PDE10A: variants seen among roughly 807,000 people sequenced by gnomAD.
PDE10A encodes phosphodiesterase 10A.
PDE10A carries 39 observed loss-of-function variants against 97.7 expected under a neutral mutation model. That is an observed-to-expected ratio of 0.40 (90% confidence interval 0.31 to 0.52). The LOEUF is 0.52. PDE10A is among the 20% of genes least tolerant of loss of function. The pLI is 0.56. For missense variants in PDE10A, 731 were observed against 1,047.8 expected, an observed-to-expected ratio of 0.70 and a Z score of 4.17; for synonymous variants, 371 against 376.8, an observed-to-expected ratio of 0.98 and a Z score of 0.18.
chr6:165,672,633 T>A (rs978057370), intron 1 of PDE10A, among the ~76,000 whole-genome samples: 1 of 152,212 alleles, frequency 6.6e-6, no homozygotes, highest in African/African-American at 2.4e-5. Flanking sequence ...ATGGTAGTGC[T>A]AAGGGGAAAC....
chr6:165,972,928 C>T lies in PDE10A; in HGVS notation c.-615+14601G>A, dbSNP rs549668771. On this transcript the variant is annotated intron_variant, in intron 1 of 19. Coordinates refer to the PDE10A transcript ENST00000366882. ...CACAAGTCCCTGTACAACACCAGCT[C>T]ATTCTCCTCTCCCCTCCATTCCCAC... is the stretch of plus-strand genomic sequence containing the variant. Among the ~76,000 whole-genome samples, 20 of 152,242 alleles carry T rather than the reference C, an allele frequency of 1.3e-4. 1 individual carries two copies. The East Asian group carries it at 3.9e-3, about 29-fold the overall frequency.
chr6:165,607,835 A>G (rs1267602674), intron 1 of PDE10A, among the ~76,000 whole-genome samples: 1 of 152,060 alleles, frequency 6.6e-6, no homozygotes, highest in African/African-American at 2.4e-5. Flanking sequence ...TACAATCCAG[A>G]ATCCAGATCT....
chr6:165,768,167 C>G (rs557320193), intron 1 of PDE10A, among the ~76,000 whole-genome samples: 1 of 152,064 alleles, frequency 6.6e-6, no homozygotes, highest in Admixed American at 6.6e-5. Context: ...TGTAAAAGCT[C>G]TTTATATATT....
exon 1 of PDE10A, chr6:165,987,570 T>A (rs945402776): frequency 6.3e-5 from 25 of 394,628 alleles, no homozygotes; most frequent in African/African-American, 5.1e-4. Flanking sequence ...TTCCGCTTCA[T>A]TTCGAGTTCA....
chr6:165,825,120 C>T (rs1463400057), intron 1 of PDE10A, among the ~76,000 whole-genome samples: 1 of 146,864 alleles, frequency 6.8e-6, no homozygotes, highest in Non-Finnish European at 1.5e-5. Flanking sequence ...TGCACTCCAG[C>T]CTGGGCAACA....
chr6:165,492,585 A>G (rs1315090570), intron 2 of PDE10A, among the ~76,000 whole-genome samples: 1 of 152,208 alleles, frequency 6.6e-6, no homozygotes, highest in Non-Finnish European at 1.5e-5. Context: ...ATCAAAAACA[A>G]AAATCACATG....
intron 3 of PDE10A, among the ~76,000 whole-genome samples, 194 bp from the exon 4 acceptor site, chr6:165,450,556 C>CTATT (rs573748805): frequency 1.5e-3 from 221 of 151,634 alleles, no homozygotes; most frequent in African/African-American, 4.4e-3. Context: ...ATTGCTATGA[C>CTATT]TATTTATTTA....
At chr6:165,906,655 G>A (rs945630541) in intron 1 of PDE10A, among the ~76,000 whole-genome samples, 1 of 152,216 alleles carries the variant, frequency 6.6e-6, no homozygotes, top group Non-Finnish European at 1.5e-5. Context: ...CCTCTGGCAG[G>A]TGCCAGAGAA....
chr6:165,451,949 A>C (rs1325637011), intron 3 of PDE10A, among the ~76,000 whole-genome samples: 1 of 152,228 alleles, frequency 6.6e-6, no homozygotes, highest in East Asian at 1.9e-4. Flanking sequence ...GCCAATGCTC[A>C]ATGAAGTTGA....
chr6:165,955,771 G>A (rs948142897), intron 1 of PDE10A, among the ~76,000 whole-genome samples: 5 of 152,208 alleles, frequency 3.3e-5, no homozygotes, highest in African/African-American at 1.2e-4. Context: ...TTAACTAGTA[G>A]TGCAAACAGG....
intron 1 of PDE10A, among the ~76,000 whole-genome samples, chr6:165,553,384 C>A (rs555193943): frequency 6.6e-6 from 1 of 152,084 alleles, no homozygotes; most frequent in East Asian, 1.9e-4. Flanking sequence ...TTGGTTAACT[C>A]GATTGACTAG....
chr6:165,844,633 G>A (rs367939181), intron 1 of PDE10A, among the ~76,000 whole-genome samples: 6 of 152,188 alleles, frequency 3.9e-5, no homozygotes, highest in African/African-American at 9.6e-5. Flanking sequence ...ACCCCAAGTC[G>A]GAATAGAAAT....
At chr6:165,945,176 G>A (rs765337982) in intron 1 of PDE10A, among the ~76,000 whole-genome samples, 21 of 152,174 alleles carry the variant, frequency 1.4e-4, no homozygotes, top group Non-Finnish European at 2.8e-4. Context: ...CTGCTTTGGG[G>A]AGGGCCAGCC....
intron 5 of PDE10A, among the ~76,000 whole-genome samples, chr6:165,444,256 C>A (rs956645908): frequency 2.6e-5 from 4 of 152,150 alleles, no homozygotes; most frequent in African/African-American, 9.7e-5. Context: ...TTGAGCCCTC[C>A]AGTTTCCTTT....
intron 2 of PDE10A, among the ~76,000 whole-genome samples, chr6:165,529,047 A>T (rs1782617856): frequency 6.6e-6 from 1 of 152,194 alleles, no homozygotes; most frequent in South Asian, 2.1e-4. Context: ...CTGAGACATT[A>T]CATTCTGCTC....
chr6:165,714,249 C>T (rs1791972103), intron 1 of PDE10A, among the ~76,000 whole-genome samples: 1 of 152,228 alleles, frequency 6.6e-6, no homozygotes. Flanking sequence ...CTACTGACGC[C>T]CACCCTTGAC....
At chr6:165,388,000 ATAAT>A (rs1290087310) in intron 17 of PDE10A, among the ~76,000 whole-genome samples, 1 of 152,220 alleles carries the variant, frequency 6.6e-6, no homozygotes, top group Non-Finnish European at 1.5e-5. Flanking sequence ...GATAATCTAT[ATAAT>A]TAATTGATTT....
intron 7 of PDE10A, among the ~76,000 whole-genome samples, chr6:165,432,651 G>A (rs1045001022): frequency 1.3e-5 from 2 of 152,112 alleles, no homozygotes; most frequent in Non-Finnish European, 2.9e-5. Context: ...ACATTTTAAA[G>A]AAGACATAAA....
intron 1 of PDE10A, among the ~76,000 whole-genome samples, chr6:165,840,375 C>T (rs570227698): frequency 1.4e-4 from 21 of 152,300 alleles, no homozygotes; most frequent in Non-Finnish European, 2.4e-4. Context: ...TTTAATTTTA[C>T]TTAGCAAGAA....
Sources: gnomAD v4.1 joint callset for allele counts (sites outside exome capture counted in the v4.1 genomes callset) on GRCh38, gnomAD v4.1.1 for gene constraint, MANE v1.5 for transcripts, NCBI Gene and HGNC (gene_info 2026-07-23, HGNC 2026-07-21) for gene names.